PLEKHM1: variants seen among roughly 807,000 people sequenced by gnomAD.
PLEKHM1 encodes pleckstrin homology and RUN domain containing M1, also known as pleckstrin homology domain-containing family M member 1.
PLEKHM1 carries 28 observed loss-of-function variants against 94.3 expected under a neutral mutation model. That is an observed-to-expected ratio of 0.30 (90% CI 0.22 to 0.41). PLEKHM1 has a LOEUF of 0.41. Among genes scored for constraint, PLEKHM1 ranks in the 10% least tolerant of loss-of-function variants. The probability of loss-of-function intolerance (pLI) is 1.00; values close to 1 mark genes in which losing one functional copy is unlikely to be tolerated. For synonymous variants in PLEKHM1, 424 were observed against 581.2 expected (o/e 0.73, Z 3.89); for missense variants, 907 against 1,358.6 (o/e 0.67, Z 5.22).
Position 45,475,520 on chromosome 17 carries a change from A to G in PLEKHM1, c.503T>C (p.Leu168Pro). 1 of 1,611,530 alleles carries G rather than the reference A, an allele frequency of 6.2e-7. No individual in the cohort carries two copies. Among genetic ancestry groups the G allele is most frequent in the Non-Finnish European group, 8.5e-7 (1 of 1,177,736 alleles). The change falls in exon 4 of 12, where the codon CTG (leucine) becomes CCG (proline). Residue 168 changes from leucine (L) to proline (P), a missense_variant. Physicochemically the swap from Leu to Pro is moderately conservative, Grantham distance 98. Transcript: ENST00000430334. ...GAAGGACAAGGACGTGAGGCCCTGC[A>G]GGAAGCTAAGGAGGAACTCGCCCTC... Reference protein sequence around the residue: ...AEEGEFLLSFLQGLTSLSFEL... With the variant: ...AEEGEFLLSFPQGLTSLSFEL...
chr17:45,437,799 G>T lies in PLEKHM1; in HGVS notation c.*59C>A. The T allele has an allele frequency of 7.4e-7, 1 of 1,358,344 alleles. No homozygotes were observed. The highest frequency in any genetic ancestry group is 1.1e-6 in the Non-Finnish European group (1 of 947,226). The allele number at this position is 1,358,344 out of a possible 1,614,324, so 84.1% of individuals were successfully genotyped here. ...GTATCCTGGGCTGATGGCAAACCCAGCCGGGATGGCTGAGCCACACTCACC... is the reference window on the plus strand; with the variant it reads ...GTATCCTGGGCTGATGGCAAACCCATCCGGGATGGCTGAGCCACACTCACC... On this transcript the variant is annotated 3_prime_UTR_variant, in exon 12 of 12. Transcript: ENST00000430334. The surrounding 1 kb of genome is among the most constrained non-coding windows in gnomAD (Gnocchi z 4.0).
chr17:45,446,869 C>G (rs1191009820), intron 8 of PLEKHM1, among the ~76,000 whole-genome samples: 2 of 152,066 alleles, frequency 1.3e-5, no homozygotes, highest in Non-Finnish European at 2.9e-5. Context: ...TGAAACTTAT[C>G]CCTCTCTGTG....
chr17:45,437,790 G>T lies in PLEKHM1; in HGVS notation c.*68C>A. 7.9e-7 allele frequency: 1 copy of T among 1,271,658 alleles called. No homozygotes were observed. Among genetic ancestry groups the T allele is most frequent in the East Asian group, 2.3e-5 (1 of 43,310 alleles). 78.8% of individuals were successfully genotyped at this position (1,271,658 alleles called of 1,614,324 possible). ...ACACGGTGAGTATCCTGGGCTGATG[G>T]CAAACCCAGCCGGGATGGCTGAGCC... On this transcript the variant is annotated 3_prime_UTR_variant, in exon 12 of 12. Transcript: ENST00000430334. This position sits in a 1 kb window ranked among gnomAD's most constrained non-coding sequence, Gnocchi z 4.0.
chr17:45,475,521 G>A lies in PLEKHM1; in HGVS notation c.502C>T (p.Leu168=), dbSNP rs867683060. The A allele has an allele frequency of 1.2e-6, 2 of 1,611,358 alleles. No individual in the cohort carries two copies. The highest frequency in any genetic ancestry group is 1.7e-6 in the Non-Finnish European group (2 of 1,177,706). The change falls in exon 4 of 12, where the codon CTG becomes TTG. Residue 168 remains leucine (L), a synonymous_variant. Transcript: ENST00000430334. The part of the protein sequence containing the change: ...AEEGEFLLSF[L]QGLTSLSFEL... ...AAGGACAAGGACGTGAGGCCCTGCAGGAAGCTAAGGAGGAACTCGCCCTCC... is the reference window on the plus strand; with the variant it reads ...AAGGACAAGGACGTGAGGCCCTGCAAGAAGCTAAGGAGGAACTCGCCCTCC...
rs555566008 is a variant in PLEKHM1, at chr17:45,450,176, C to T, written c.2643+442G>A. The stretch of plus-strand genomic sequence containing the variant: ...ATTCACCTACCTACCTATCCATCCA[C>T]CTAACCATCCACCTAGCCACCTGCT... On this transcript the variant is annotated intron_variant, in intron 8 of 11. Transcript: ENST00000430334. Among the ~76,000 whole-genome samples, 3 of 151,922 alleles carry T rather than the reference C, an allele frequency of 2.0e-5. No homozygotes were observed. In the East Asian group the frequency reaches 5.8e-4, roughly 30 times the overall value.
chr17:45,457,846 G>A (rs2051014069), intron 6 of PLEKHM1, among the ~76,000 whole-genome samples: 1 of 152,218 alleles, frequency 6.6e-6, no homozygotes, highest in African/African-American at 2.4e-5. Flanking sequence ...GGGGCTTCAT[G>A]GGGCCGGATG....
At chr17:45,446,828 GC>G (rs1459802403) in intron 8 of PLEKHM1, among the ~76,000 whole-genome samples, 2 of 152,126 alleles carry the variant, frequency 1.3e-5, no homozygotes, top group Non-Finnish European at 2.9e-5. Context: ...ATTGAATCCT[GC>G]CTCCACCACT....
intron 1 of PLEKHM1, among the ~76,000 whole-genome samples, chr17:45,484,157 G>T (rs568983167): frequency 1.2e-3 from 178 of 152,296 alleles, no homozygotes; most frequent in Non-Finnish European, 2.0e-3. Context: ...GAGATAACAG[G>T]CCCTAAGGAA....
At chr17:45,474,758 G>C (rs1356179363) in intron 4 of PLEKHM1, among the ~76,000 whole-genome samples, 3 of 152,046 alleles carry the variant, frequency 2.0e-5, no homozygotes, top group Non-Finnish European at 4.4e-5. Context: ...GCCTCGAACT[G>C]CTGGGCTCAA....
At chr17:45,451,391 G>A (rs2050770298) in intron 7 of PLEKHM1, among the ~76,000 whole-genome samples, 1 of 152,180 alleles carries the variant, frequency 6.6e-6, no homozygotes, top group African/African-American at 2.4e-5. Context: ...GAATGGGAGT[G>A]GGATGTGCCC....
At chr17:45,442,850 G>T (rs1164605684) in intron 9 of PLEKHM1, among the ~76,000 whole-genome samples, 1 of 152,158 alleles carries the variant, frequency 6.6e-6, no homozygotes, top group African/African-American at 2.4e-5. Flanking sequence ...AAGCCCAGCT[G>T]CCCAGAGCCC....
intron 8 of PLEKHM1, chr17:45,448,130 G>C (rs1284458111): frequency 1.3e-5 from 2 of 152,234 alleles, no homozygotes; most frequent in Non-Finnish European, 1.5e-5. Flanking sequence ...AAAGGAAGTG[G>C]CACAAGGATG....
rs947362386 is a variant in PLEKHM1 at position 45,482,492 on chromosome 17, C to A, written c.-8G>T. 9.7e-7 allele frequency: 1 copy of A among 1,029,944 alleles called. No individual in the cohort carries two copies. Among genetic ancestry groups the A allele is most frequent in the East Asian group, 2.4e-5 (1 of 40,972 alleles). 63.8% of individuals were successfully genotyped at this position (1,029,944 alleles called of 1,614,324 possible). ...CTCCACCACTGAAAGCATCTCCACT[C>A]ACGCAGCTGCTCCCTCAGAGAATCA... On this transcript the variant is annotated 5_prime_UTR_variant, in exon 2 of 12. Transcript: ENST00000430334.
At chr17:45,469,587 T>C (rs2051430413) in intron 4 of PLEKHM1, among the ~76,000 whole-genome samples, 1 of 152,232 alleles carries the variant, frequency 6.6e-6, no homozygotes, top group South Asian at 2.1e-4. Context: ...CCTCCCTGCA[T>C]CTGCCCTGAT....
At chr17:45,467,031 C>T (rs1019036131) in intron 5 of PLEKHM1, among the ~76,000 whole-genome samples, 29 of 152,226 alleles carry the variant, frequency 1.9e-4, no homozygotes, top group Non-Finnish European at 4.0e-4. Flanking sequence ...TATATTTTTA[C>T]AATGGAATAC....
chr17:45,478,215 C>T, intron 2 of PLEKHM1, 68 bp from the exon 3 acceptor site: 1 of 1,601,456 alleles, frequency 6.2e-7, no homozygotes, highest in Non-Finnish European at 8.5e-7. Context: ...AGAGTGTAAT[C>T]CTTTAGCTGG....
Position 45,445,367 on chromosome 17 carries a change from G to A in PLEKHM1, c.2837+103C>T. 4 of 874,824 alleles carry A rather than the reference G, an allele frequency of 4.6e-6. No homozygotes were observed. Among genetic ancestry groups the A allele is most frequent in the Non-Finnish European group, 5.6e-6 (3 of 533,288 alleles). 54.2% of individuals were successfully genotyped at this position (874,824 alleles called of 1,614,324 possible). A position where few individuals can be genotyped will look rare whatever the true frequency, so the allele number is the denominator to read the frequency against. ...TATGTGTGTGGGTATGTGTGCACAT[G>A]TGTATGTGTGTCTGTGTGTACATGT... is the stretch of plus-strand genomic sequence containing the variant. On this transcript the variant is annotated intron_variant, in intron 9 of 11. Transcript: ENST00000430334. This position sits in a 1 kb window ranked among gnomAD's most constrained non-coding sequence, Gnocchi z 4.2.
At chr17:45,482,068 A>G (rs1466318119) in intron 2 of PLEKHM1, among the ~76,000 whole-genome samples, 1 of 151,614 alleles carries the variant, frequency 6.6e-6, no homozygotes, top group African/African-American at 2.4e-5. Flanking sequence ...AGATACATGT[A>G]AGTTACCAAT....
rs1211102345 is a variant in PLEKHM1 at position 45,468,371 on chromosome 17, G to A, written c.1146C>T (p.Ser382=). The change falls in exon 5 of 12, where the codon AGC becomes AGT. Residue 382 remains serine (S), a synonymous_variant. Coordinates refer to ENST00000430334, the MANE Select transcript of PLEKHM1 (RefSeq NM_014798.3). ...HVQEPRPQAP[S]PLDLQQPVES... is the part of the protein sequence containing the mutation. ...CTACAGGCTGCTGTAAGTCCAGGGG[G>A]CTGGGCGCCTGGGGACGCGGCTCCT... 1.2e-6 allele frequency: 2 copies of A among 1,614,162 alleles called. No individual in the cohort carries two copies. The highest frequency in any genetic ancestry group is 1.1e-5 in the South Asian group (1 of 91,080).
Sources: gnomAD v4.1 joint callset for allele counts (sites outside exome capture counted in the v4.1 genomes callset) on GRCh38, gnomAD v4.1.1 for gene constraint, Gnocchi (gnomAD v3.1) non-coding constraint, MANE v1.5 for transcripts, NCBI Gene and HGNC (gene_info 2026-07-23, HGNC 2026-07-21) for gene names.